The following PKN2 variants were observed in gnomAD, a reference collection of about 807,000 sequenced individuals.
The protein encoded by PKN2 is serine/threonine-protein kinase N2.
In PKN2, 38 loss-of-function variants were observed where a neutral mutation model predicts 119.1. The ratio of observed to expected loss-of-function variants is 0.32; its 90% CI spans 0.25 to 0.42. PKN2 has a LOEUF of 0.42. Among genes scored for constraint, PKN2 ranks in the 10% least tolerant of loss-of-function variants. The pLI, the probability that PKN2 is intolerant of heterozygous loss-of-function variation, is 1.00. For missense variants in PKN2, 850 were observed against 1,165.1 expected (o/e 0.73, Z 3.94); for synonymous variants, 390 against 384.9 (o/e 1.01, Z -0.15).
Position 88,767,573 on chromosome 1 carries a change from A to G in PKN2, c.505-2779A>G, listed in dbSNP as rs375144221. ...TAGGCTGTAGTAACAGCATGTAACT[A>G]TACTGAATACTGTAGGCAATTGTAA... On this transcript the variant is annotated intron_variant, in intron 3 of 21. Coordinates refer to ENST00000370521, the MANE Select transcript of PKN2 (RefSeq NM_006256.4). 6.6e-5 allele frequency among the ~76,000 whole-genome samples: 10 copies of G among 152,170 alleles called. No individual in the cohort carries two copies. In the South Asian group the frequency reaches 1.0e-3, roughly 16 times the overall value.
chr1:88,794,546 A>G (rs909840918), intron 8 of PKN2, among the ~76,000 whole-genome samples: 1 of 152,148 alleles, frequency 6.6e-6, no homozygotes, highest in Admixed American at 6.5e-5. Context: ...TACAGCAGTG[A>G]GCTGAGACCA....
intron 6 of PKN2, among the ~76,000 whole-genome samples, chr1:88,777,841 AGACT>A (rs2100815408): frequency 6.6e-6 from 1 of 152,290 alleles, no homozygotes; most frequent in South Asian, 2.1e-4. Context: ...AGAGACCTTA[AGACT>A]GACTGAACAG....
intron 16 of PKN2, among the ~76,000 whole-genome samples, chr1:88,814,068 G>T (rs1225069767): frequency 6.6e-6 from 1 of 152,058 alleles, no homozygotes; most frequent in Non-Finnish European, 1.5e-5. Context: ...TACTCAAAAT[G>T]CACTGTTAAG....
At chr1:88,791,772 A>G (rs1293406987) in intron 8 of PKN2, among the ~76,000 whole-genome samples, 1 of 152,184 alleles carries the variant, frequency 6.6e-6, no homozygotes, top group Non-Finnish European at 1.5e-5. Context: ...TTTGAATAAG[A>G]GTATTGAGGT....
intron 1 of PKN2, among the ~76,000 whole-genome samples, chr1:88,717,234 C>T (rs1445703995): frequency 6.6e-6 from 1 of 152,144 alleles, no homozygotes; most frequent in Non-Finnish European, 1.5e-5. Flanking sequence ...AACATTTTTT[C>T]CTTCATTTCA....
intron 15 of PKN2, 29 bp from the exon 16 acceptor site, chr1:88,813,528 T>C (rs748553055): frequency 7.0e-7 from 1 of 1,429,966 alleles, no homozygotes; most frequent in Admixed American, 2.2e-5. Flanking sequence ...ATTTTTAATC[T>C]GCTTATTTTA....
intron 8 of PKN2, among the ~76,000 whole-genome samples, chr1:88,801,383 C>A (rs1224357912): frequency 6.6e-6 from 1 of 152,074 alleles, no homozygotes; most frequent in Non-Finnish European, 1.5e-5. Context: ...GAAACCCCAT[C>A]TCAAAAAACA....
intron 1 of PKN2, among the ~76,000 whole-genome samples, chr1:88,740,636 G>A (rs1198757025): frequency 6.6e-6 from 1 of 152,102 alleles, no homozygotes; most frequent in Non-Finnish European, 1.5e-5. Flanking sequence ...GAAAAGTTAA[G>A]TAACTTGCTC....
intron 1 of PKN2, among the ~76,000 whole-genome samples, chr1:88,692,273 C>A (rs932321873): frequency 6.6e-6 from 1 of 152,018 alleles, no homozygotes; most frequent in Non-Finnish European, 1.5e-5. Flanking sequence ...CCTTGTTGGG[C>A]AGTTATTTTC....
At chr1:88,762,677 T>C (rs974166631) in intron 3 of PKN2, among the ~76,000 whole-genome samples, 1 of 152,192 alleles carries the variant, frequency 6.6e-6, no homozygotes, top group Admixed American at 6.5e-5. Flanking sequence ...AAAGGAGATA[T>C]ATCACATGTA....
chr1:88,798,002 AT>A (rs1671161580), intron 8 of PKN2, among the ~76,000 whole-genome samples: 2 of 152,232 alleles, frequency 1.3e-5, no homozygotes, highest in African/African-American at 4.8e-5. Flanking sequence ...AATTAGTGAA[AT>A]TTTAAGAAGA....
Position 88,805,530 on chromosome 1 carries a change from T to A in PKN2, c.1535T>A (p.Ile512Asn), listed in dbSNP as rs762669040. 6.2e-7 allele frequency: 1 copy of A among 1,613,448 alleles called. No homozygotes were observed. The highest frequency in any genetic ancestry group is 8.5e-7 in the Non-Finnish European group (1 of 1,179,634). Residue 512 changes from isoleucine (I) to asparagine (N), a missense_variant, in exon 11 of 22, where the codon ATT becomes AAT. By Grantham distance (149) the Ile-to-Asn change is moderately radical. Transcript: ENST00000370521. ...KTFLRAPQMN[I>N]NIATWGRLVR... ...TTTCTCAGAGCTCCTCAAATGAATA[T>A]TAATATTGCCACTTGGGGAAGGCTA...
rs1669892095 is a variant in PKN2, at chr1:88,771,460, A to G, written c.662A>G (p.Glu221Gly). Reference protein sequence around the residue: ...VISPLELRMEELRHHFRIEFA... With the variant: ...VISPLELRMEGLRHHFRIEFA... ...AGTCCTCTTGAACTTCGGATGGAAG[A>G]ATTAAGGCATCATTTTAGGATAGAG... The change falls in exon 5 of 22, where the codon GAA (glutamate) becomes GGA (glycine). Residue 221 changes from glutamate (E) to glycine (G), a missense_variant. Glu to Gly is a moderately conservative substitution (Grantham distance 98, BLOSUM62 -2). Transcript: ENST00000370521. The G allele has an allele frequency of 1.2e-6, 2 of 1,607,372 alleles. No individual in the cohort carries two copies. Among genetic ancestry groups the G allele is most frequent in the Non-Finnish European group, 1.7e-6 (2 of 1,177,646 alleles).
intron 1 of PKN2, among the ~76,000 whole-genome samples, chr1:88,733,714 A>G (rs1668233593): frequency 6.6e-6 from 1 of 152,224 alleles, no homozygotes; most frequent in African/African-American, 2.4e-5. Flanking sequence ...CAGGTTAAAT[A>G]TCCTGTATCT....
rs554283128 is a variant in PKN2, at chr1:88,725,166, T to G, written c.49-15822T>G. 1.1e-4 allele frequency among the ~76,000 whole-genome samples: 17 copies of G among 152,280 alleles called. 2 individuals are homozygous for G. In the South Asian group the frequency reaches 3.5e-3, roughly 32 times the overall value. ...CATTGGGTTATTTCCAGCTTTTGGG[T>G]TAATACAAATGAAGTTACTCTGGGC... On this transcript the variant is annotated intron_variant, in intron 1 of 21. Coordinates refer to ENST00000370521, the MANE Select transcript of PKN2 (RefSeq NM_006256.4).
chr1:88,795,256 A>G (rs1671015362), intron 8 of PKN2, among the ~76,000 whole-genome samples: 1 of 152,138 alleles, frequency 6.6e-6, no homozygotes, highest in Non-Finnish European at 1.5e-5. Flanking sequence ...ATGATCATTC[A>G]AGTTGCCCTC....
chr1:88,723,414 C>A (rs1046030535), intron 1 of PKN2, among the ~76,000 whole-genome samples: 4 of 147,260 alleles, frequency 2.7e-5, no homozygotes, highest in African/African-American at 1.0e-4. Flanking sequence ...TGCCCTGCCC[C>A]CCCCCCTTTT....
intron 7 of PKN2, 34 bp downstream of exon 7, chr1:88,784,858 A>G: frequency 1.5e-6 from 2 of 1,355,052 alleles, no homozygotes; most frequent in Non-Finnish European, 2.1e-6. Context: ...ATCATGTAAC[A>G]AACTAAAGTG....
chr1:88,835,420 A>G lies in PKN2; in HGVS notation c.*1972A>G, dbSNP rs1278585855. 6.6e-6 allele frequency: 1 copy of G among 152,430 alleles called. No individual in the cohort carries two copies. Among genetic ancestry groups the G allele is most frequent in the African/African-American group, 2.4e-5 (1 of 41,420 alleles). 9.4% of individuals were successfully genotyped at this position (152,430 alleles called of 1,614,324 possible). On this transcript the variant is annotated 3_prime_UTR_variant, in exon 22 of 22. Transcript: ENST00000370521. The stretch of plus-strand genomic sequence containing the variant: ...GTAATGTCTAAAATAGGCTCTTAGC[A>G]TTAAAAACTGACAGCATTTCGTAAC...
Sources: allele counts gnomAD v4.1 joint callset (sites outside exome capture counted in the v4.1 genomes callset), GRCh38; gene constraint gnomAD v4.1.1; transcripts MANE v1.5; gene names NCBI Gene and HGNC (gene_info 2026-07-23, HGNC 2026-07-21).